The following COL27A1 variants were observed in gnomAD, a reference collection of about 807,000 sequenced individuals.
COL27A1 encodes the protein collagen type XXVII alpha 1 chain.
In COL27A1, 106 loss-of-function variants were observed where a neutral mutation model predicts 251.3. That is an observed-to-expected ratio of 0.42 (90% CI 0.36 to 0.50). COL27A1 has a LOEUF of 0.50. COL27A1 is among the 20% of genes least tolerant of loss of function. COL27A1 has a pLI of 0.00. For missense variants in COL27A1, 2,325 were observed against 2,522.8 expected (o/e 0.92, Z 1.68); for synonymous variants, 1,000 against 986.3 (o/e 1.01, Z -0.26).
chr9:114,211,068 A>T (rs1232174670), intron 12 of COL27A1, 42 bp downstream of exon 12: 2 of 1,604,906 alleles, frequency 1.2e-6, no homozygotes, highest in East Asian at 2.2e-5. Flanking sequence ...CTAGCGGGGA[A>T]CCCCACCTCC....
In COL27A1 at chr9:114,168,659, C is replaced by T. The variant is rs749589243; in HGVS notation, c.1104C>T (p.Leu368=). 1.2e-6 allele frequency: 2 copies of T among 1,614,148 alleles called. No individual in the cohort carries two copies. The highest frequency in any genetic ancestry group is 1.1e-5 in the South Asian group (1 of 91,078). ...KITATKIPKS[L]PTKPSAPSTS... is the part of the protein sequence containing the mutation. ...CAGCCACCAAAATCCCCAAAAGCCTCCCTACCAAGCCTTCGGCCCCTTCTA... is the reference window on the plus strand; with the variant it reads ...CAGCCACCAAAATCCCCAAAAGCCTTCCTACCAAGCCTTCGGCCCCTTCTA... The change falls in exon 3 of 61, where the codon CTC becomes CTT. Residue 368 remains leucine (L), a synonymous_variant. Coordinates refer to ENST00000356083, the MANE Select transcript of COL27A1 (RefSeq NM_032888.4).
intron 37 of COL27A1, among the ~76,000 whole-genome samples, chr9:114,281,344 C>A (rs1472614941): frequency 1.3e-5 from 2 of 152,268 alleles, no homozygotes; most frequent in Non-Finnish European, 2.9e-5. Context: ...CACTTGCACA[C>A]ACTCACTCAC....
chr9:114,275,545 C>A (rs1170669887), intron 36 of COL27A1, 116 bp from the exon 37 acceptor site: 1 of 657,334 alleles, frequency 1.5e-6, no homozygotes, highest in African/African-American at 1.8e-5. Context: ...TATCGAGAAT[C>A]TAGGGACCAG....
chr9:114,264,561 C>T (rs1238074223), intron 29 of COL27A1, among the ~76,000 whole-genome samples, 153 bp downstream of exon 29: 1 of 152,208 alleles, frequency 6.6e-6, no homozygotes, highest in Non-Finnish European at 1.5e-5. Context: ...CTTAGCCCTT[C>T]CACTCCTCCT....
At position 114,309,196 on chromosome 9, in the gene COL27A1, GAACCCT is replaced by G. The variant is rs1829273891; in HGVS notation, c.5218-63_5218-58del. On this transcript the variant is annotated intron_variant, in intron 59 of 60. Transcript: ENST00000356083. ...CCTGTTCCCTCCATAGAGAGGCAGG[GAACCCT>G]CGGTGTGGGGGGTGTGGGGGGCAGC... 6.6e-6 allele frequency: 9 copies of G among 1,357,132 alleles called. No individual in the cohort carries two copies. In the Admixed American group the frequency reaches 1.5e-4, roughly 23 times the overall value. 84.1% of individuals were successfully genotyped at this position (1,357,132 alleles called of 1,614,324 possible).
intron 4 of COL27A1, 72 bp from the exon 5 acceptor site, chr9:114,182,950 C>G: frequency 7.9e-7 from 1 of 1,269,674 alleles, no homozygotes; most frequent in Non-Finnish European, 1.1e-6. Flanking sequence ...AGGTGCCAGG[C>G]ATTGCTGTCA....
At chr9:114,264,495 G>A in intron 29 of COL27A1, 87 bp downstream of exon 29, 1 of 1,073,984 alleles carries the variant, frequency 9.3e-7, no homozygotes, top group African/African-American at 1.6e-5. Flanking sequence ...TCAGAACAAT[G>A]CCCCTTAGGG....
intron 13 of COL27A1, 84 bp from the exon 14 acceptor site, chr9:114,222,139 G>A (rs1192991993): frequency 4.1e-6 from 5 of 1,210,622 alleles, no homozygotes; most frequent in Middle Eastern, 1.9e-4. Flanking sequence ...ACCCCACCAG[G>A]TGCCTGTGTG....
intron 8 of COL27A1, among the ~76,000 whole-genome samples, chr9:114,205,450 C>T (rs373157335): frequency 3.2e-4 from 49 of 152,364 alleles, no homozygotes; most frequent in African/African-American, 1.1e-3. Flanking sequence ...CTCACCGCCA[C>T]GGGGTTTGCA....
At chr9:114,187,350 A>G (rs1038465793) in intron 5 of COL27A1, among the ~76,000 whole-genome samples, 1 of 152,224 alleles carries the variant, frequency 6.6e-6, no homozygotes, top group East Asian at 1.9e-4. Context: ...TCAAGAAGAA[A>G]GTGAGCTATC....
chr9:114,156,057 T>G lies in COL27A1; in HGVS notation c.62+45T>G, dbSNP rs1056673076. 6 of 1,294,522 alleles carry G rather than the reference T, an allele frequency of 4.6e-6. No individual in the cohort carries two copies. The African/African-American group carries it at 7.6e-5, about 16-fold the overall frequency. The allele number at this position is 1,294,522 out of a possible 1,614,324, so 80.2% of individuals were successfully genotyped here. A position where few individuals can be genotyped will look rare whatever the true frequency, so the allele number is the denominator to read the frequency against. The stretch of plus-strand genomic sequence containing the variant: ...CGCCCCCTCCCTAGCTTCCTGCTGC[T>G]CCAATCTCGGGGAGGGCCGGGGTTC... On this transcript the variant is annotated intron_variant, in intron 1 of 60. Transcript: ENST00000356083.
chr9:114,178,064 A>G (rs534521307), intron 3 of COL27A1, among the ~76,000 whole-genome samples: 3 of 152,314 alleles, frequency 2.0e-5, no homozygotes, highest in East Asian at 3.9e-4. Context: ...ACCCTAAGTT[A>G]GCTGGGTGAT....
chr9:114,217,393 G>A (rs1011400234), intron 12 of COL27A1, among the ~76,000 whole-genome samples: 3 of 152,170 alleles, frequency 2.0e-5, no homozygotes, highest in African/African-American at 7.2e-5. Flanking sequence ...AGAGGCCTGT[G>A]GGTGGTGCAG....
At chr9:114,281,515 T>G (rs1564566070) in intron 37 of COL27A1, among the ~76,000 whole-genome samples, 1 of 152,122 alleles carries the variant, frequency 6.6e-6, no homozygotes, top group Non-Finnish European at 1.5e-5. Flanking sequence ...CCAAGGAAAG[T>G]GGGAGAAGGC....
intron 51 of COL27A1, 74 bp from the exon 52 acceptor site, chr9:114,300,997 GC>G: frequency 6.9e-7 from 1 of 1,441,480 alleles, no homozygotes; most frequent in Non-Finnish European, 9.5e-7. Context: ...CGCTCGGGCT[GC>G]CCTCCACCCC....
intron 23 of COL27A1, 34 bp downstream of exon 23, chr9:114,243,594 G>T: frequency 6.4e-7 from 1 of 1,568,114 alleles, no homozygotes; most frequent in Non-Finnish European, 8.8e-7. Context: ...GGGACAAGAG[G>T]AAAGAGGGGA....
In COL27A1 at chr9:114,301,674, TC is replaced by T. The variant is rs1201888503; in HGVS notation, c.4810-3del. On this transcript the variant is annotated splice_region_variant and splice_polypyrimidine_tract_variant and intron_variant, in intron 54 of 60. Transcript: ENST00000356083. ...CCAGGGCTCACTCTTCTTCTCTTGT[TC>T]CCCCAGGGTCCTCCCGGCCCCAGAG... 1 of 1,606,650 alleles carries T rather than the reference TC, an allele frequency of 6.2e-7. No homozygotes were observed. Among genetic ancestry groups the T allele is most frequent in the Non-Finnish European group, 8.5e-7 (1 of 1,176,952 alleles).
chr9:114,196,069 C>T, intron 7 of COL27A1, 57 bp downstream of exon 7: 3 of 1,496,400 alleles, frequency 2.0e-6, no homozygotes, highest in East Asian at 2.3e-5. Context: ...CAAGCCAGGT[C>T]TTCAGGCAGA....
chr9:114,193,021 G>A (rs1828854734), intron 5 of COL27A1, among the ~76,000 whole-genome samples: 1 of 152,118 alleles, frequency 6.6e-6, no homozygotes, highest in Non-Finnish European at 1.5e-5. Context: ...GTGTGCACGT[G>A]TATGTGTGTG....
Sources: gnomAD v4.1 joint callset for allele counts (sites outside exome capture counted in the v4.1 genomes callset) on GRCh38, gnomAD v4.1.1 for gene constraint, MANE v1.5 for transcripts, NCBI Gene and HGNC (gene_info 2026-07-23, HGNC 2026-07-21) for gene names.